The following GRM7 variants were observed in gnomAD, a reference collection of about 807,000 sequenced individuals.
GRM7 encodes the protein metabotropic glutamate receptor 7.
Under a neutral mutation model 84.5 loss-of-function variants are expected in GRM7, and 35 were observed. That is an observed-to-expected ratio of 0.41 (90% CI 0.32 to 0.55). The LOEUF (loss-of-function observed/expected upper bound fraction) is 0.55, where lower values mean the gene tolerates loss of function less well. Ranked by LOEUF, GRM7 falls within the 20% of genes least tolerant of loss-of-function variation. GRM7 has a pLI of 0.19. For missense variants in GRM7, 1,003 were observed against 1,194.6 expected (o/e 0.84, Z 2.36); for synonymous variants, 487 against 455.1 (o/e 1.07, Z -0.89).
intron 7 of GRM7, among the ~76,000 whole-genome samples, chr3:7,482,302 A>G (rs1477385295): frequency 1.3e-5 from 2 of 152,256 alleles, no homozygotes; most frequent in African/African-American, 4.8e-5. Context: ...TCCCATAGAC[A>G]TTAACCCTAC....
At chr3:7,608,365 C>G (rs1340754286) in intron 8 of GRM7, among the ~76,000 whole-genome samples, 2 of 152,106 alleles carry the variant, frequency 1.3e-5, no homozygotes, top group Non-Finnish European at 2.9e-5. Flanking sequence ...TTCCTTTATT[C>G]CTGCAACCTT....
intron 4 of GRM7, among the ~76,000 whole-genome samples, chr3:7,365,092 A>G (rs1197235665): frequency 1.3e-5 from 2 of 151,848 alleles, no homozygotes; most frequent in East Asian, 1.9e-4. Context: ...ACCTTTCAGG[A>G]TACTTTCCCA....
intron 9 of GRM7, among the ~76,000 whole-genome samples, chr3:7,719,664 T>G (rs1488136671): frequency 6.6e-6 from 1 of 151,832 alleles, no homozygotes; most frequent in Non-Finnish European, 1.5e-5. Context: ...TGCAAAAAAT[T>G]AGCCTGGCGT....
chr3:7,066,877 T>C (rs183146390), intron 1 of GRM7, among the ~76,000 whole-genome samples: 1 of 151,842 alleles, frequency 6.6e-6, no homozygotes, highest in African/African-American at 2.4e-5. Context: ...CATACGCAAG[T>C]CAGTAAATAT....
intron 5 of GRM7, among the ~76,000 whole-genome samples, chr3:7,423,872 T>A (rs904443480): frequency 6.6e-6 from 1 of 152,146 alleles, no homozygotes; most frequent in African/African-American, 2.4e-5. Context: ...AGGCTGCTAA[T>A]TTTTTCATTC....
chr3:7,692,065 A>G (rs1160085347), intron 9 of GRM7, among the ~76,000 whole-genome samples: 5 of 152,168 alleles, frequency 3.3e-5, no homozygotes. Context: ...GATTGCCAAT[A>G]AAGTCAGGCA....
chr3:7,353,799 A>T (rs1175194880), intron 4 of GRM7, among the ~76,000 whole-genome samples: 1 of 152,142 alleles, frequency 6.6e-6, no homozygotes, highest in Non-Finnish European at 1.5e-5. Flanking sequence ...ACAGGCACCA[A>T]GTGGTGGCAC....
chr3:7,590,436 AG>A (rs1208233189), intron 8 of GRM7, among the ~76,000 whole-genome samples: 28 of 146,872 alleles, frequency 1.9e-4, no homozygotes, highest in Non-Finnish European at 1.4e-4. Context: ...ATTGCTACAA[AG>A]ACAGAGTTGA....
intron 1 of GRM7, among the ~76,000 whole-genome samples, chr3:7,008,338 G>A (rs1323965656): frequency 1.3e-5 from 2 of 152,130 alleles, no homozygotes; most frequent in African/African-American, 4.8e-5. Flanking sequence ...CTTTTGTTTA[G>A]GACCTGGTCC....
rs369643903 is a variant in GRM7 at position 7,132,547 on chromosome 3, C to T, written c.520-13905C>T. Among the ~76,000 whole-genome samples, 34 of 152,058 alleles carry T rather than the reference C, an allele frequency of 2.2e-4. No homozygotes were observed. The South Asian group carries it at 5.0e-3, about 22-fold the overall frequency. ...TAAATCTTTTTTTGGTAGTAGGAAA[C>T]GCTAAATGCTCATTTTCTTAGACTA... On this transcript the variant is annotated intron_variant, in intron 1 of 9. Transcript: ENST00000357716.
At chr3:7,243,530 A>G (rs1697641605) in intron 2 of GRM7, among the ~76,000 whole-genome samples, 1 of 152,144 alleles carries the variant, frequency 6.6e-6, no homozygotes, top group East Asian at 1.9e-4. Context: ...GAGTTTCTAT[A>G]AAAACTCTTC....
chr3:7,654,517 G>T (rs115055374), intron 8 of GRM7, among the ~76,000 whole-genome samples: 1,728 of 152,298 alleles, frequency 0.011, 27 homozygotes, highest in African/African-American at 0.04. Context: ...TACTACTGCT[G>T]CACTGTTTCA....
intron 4 of GRM7, among the ~76,000 whole-genome samples, chr3:7,341,936 A>G (rs1692653701): frequency 6.6e-6 from 1 of 152,182 alleles, no homozygotes; most frequent in South Asian, 2.1e-4. Flanking sequence ...AGACAAGGCT[A>G]TACCCATAGA....
At chr3:7,192,206 G>A (rs1695732045) in intron 2 of GRM7, among the ~76,000 whole-genome samples, 1 of 152,114 alleles carries the variant, frequency 6.6e-6, no homozygotes, top group South Asian at 2.1e-4. Flanking sequence ...GGTAAGGCTT[G>A]GGATGGGATC....
At chr3:6,979,914 G>T (rs1694132940) in intron 1 of GRM7, among the ~76,000 whole-genome samples, 1 of 152,068 alleles carries the variant, frequency 6.6e-6, no homozygotes, top group African/African-American at 2.4e-5. Flanking sequence ...AATATATACT[G>T]ATGTGTATGT....
chr3:7,524,971 T>C (rs1442576794), intron 7 of GRM7, among the ~76,000 whole-genome samples: 1 of 149,358 alleles, frequency 6.7e-6, no homozygotes, highest in Non-Finnish European at 1.5e-5. Context: ...TATAGGGACA[T>C]GGATGAAATT....
At chr3:7,385,468 T>A (rs1694750574) in intron 4 of GRM7, among the ~76,000 whole-genome samples, 1 of 151,870 alleles carries the variant, frequency 6.6e-6, no homozygotes, top group East Asian at 1.9e-4. Flanking sequence ...ACCCAGCTAA[T>A]TTTTTGTATT....
intron 8 of GRM7, among the ~76,000 whole-genome samples, chr3:7,579,793 A>G (rs1458699260): frequency 3.9e-5 from 6 of 152,190 alleles, no homozygotes; most frequent in African/African-American, 1.4e-4. Context: ...CGCTCTTCCA[A>G]GTGGCTACCT....
chr3:7,237,243 G>A (rs1445701461), intron 2 of GRM7, among the ~76,000 whole-genome samples: 1 of 152,168 alleles, frequency 6.6e-6, no homozygotes, highest in Non-Finnish European at 1.5e-5. Context: ...TATCCTTTCT[G>A]ATGTTGAATT....
Sources: allele counts gnomAD v4.1 joint callset (sites outside exome capture counted in the v4.1 genomes callset), GRCh38; gene constraint gnomAD v4.1.1; transcripts MANE v1.5; gene names NCBI Gene and HGNC (gene_info 2026-07-23, HGNC 2026-07-21).